STXBP5: variants seen among roughly 807,000 people sequenced by gnomAD.
STXBP5 encodes the protein syntaxin-binding protein 5.
STXBP5 carries 50 observed loss-of-function variants against 152.4 expected under a neutral mutation model. The observed-to-expected ratio is 0.33, with a 90% CI of 0.26 to 0.42. The LOEUF is 0.42. Among genes scored for constraint, STXBP5 ranks in the 10% least tolerant of loss-of-function variants. STXBP5 has a pLI of 1.00. For missense variants in STXBP5, 1,167 were observed against 1,388.6 expected (o/e 0.84, Z 2.54); for synonymous variants, 492 against 494.7 (o/e 0.99, Z 0.07).
chr6:147,258,344 T>C (rs1364293373), intron 4 of STXBP5, among the ~76,000 whole-genome samples: 3 of 152,254 alleles, frequency 2.0e-5, no homozygotes, highest in Non-Finnish European at 4.4e-5. Flanking sequence ...TGGATTACTT[T>C]CTTAAAATTA....
intron 27 of STXBP5, 103 bp from the exon 28 acceptor site, chr6:147,384,611 T>A (rs1265517812): frequency 8.6e-7 from 1 of 1,166,588 alleles, no homozygotes; most frequent in African/African-American, 1.5e-5. Flanking sequence ...CACTACAGAA[T>A]ATTGCAGAAT....
intron 26 of STXBP5, among the ~76,000 whole-genome samples, chr6:147,375,497 C>T (rs896229627): frequency 6.6e-6 from 1 of 151,350 alleles, no homozygotes; most frequent in African/African-American, 2.4e-5. Flanking sequence ...TAAAATGCAG[C>T]ACAAAGAAAC....
intron 2 of STXBP5, among the ~76,000 whole-genome samples, chr6:147,221,455 A>T (rs561474153): frequency 6.6e-6 from 1 of 152,006 alleles, no homozygotes; most frequent in African/African-American, 2.4e-5. Context: ...TTTTTGCAGC[A>T]CAGGTCATTT....
chr6:147,289,736 GA>G lies in STXBP5; in HGVS notation c.839-1347del, dbSNP rs879435079. Among the ~76,000 whole-genome samples, 1,288 of 142,672 alleles carry G rather than the reference GA, an allele frequency of 9.0e-3. 50 individuals carry two copies. The highest frequency in any genetic ancestry group is 0.072 in the Admixed American group (1,043 of 14,438). 93.6% of individuals were successfully genotyped at this position (142,672 alleles called of 152,430 possible). On this transcript the variant is annotated intron_variant, in intron 8 of 27. Transcript: ENST00000321680. ...CTTTTTATTTAACAATCAGCAAAAA[GA>G]AAAAAAAAAACATTGCTAGGGGAGG...
chr6:147,265,482 T>G (rs1331714151), intron 6 of STXBP5, among the ~76,000 whole-genome samples: 1 of 152,124 alleles, frequency 6.6e-6, no homozygotes, highest in Non-Finnish European at 1.5e-5. Flanking sequence ...AAATGCATGG[T>G]ACTAGTTTAA....
chr6:147,273,847 G>A (rs867140084), intron 7 of STXBP5, among the ~76,000 whole-genome samples: 60 of 152,044 alleles, frequency 3.9e-4, no homozygotes, highest in African/African-American at 1.4e-3. Context: ...AGCTACTCGG[G>A]AGGCTGAGGC....
At chr6:147,260,822 A>T in intron 5 of STXBP5, 73 bp downstream of exon 5, 4 of 1,494,240 alleles carry the variant, frequency 2.7e-6, no homozygotes, top group Non-Finnish European at 3.6e-6. Flanking sequence ...ATCATAGCCA[A>T]TCAGTAAATC....
At chr6:147,316,596 C>T (rs1349196236) in intron 16 of STXBP5, among the ~76,000 whole-genome samples, 189 bp downstream of exon 16, 1 of 152,166 alleles carries the variant, frequency 6.6e-6, no homozygotes. Flanking sequence ...GATTGCATTT[C>T]ATGATATTAT....
At chr6:147,299,876 C>T (rs1781718671) in intron 9 of STXBP5, among the ~76,000 whole-genome samples, 2 of 151,894 alleles carry the variant, frequency 1.3e-5, no homozygotes, top group Admixed American at 6.6e-5. Context: ...TCAAATTATC[C>T]CTGTTTGCAA....
intron 8 of STXBP5, among the ~76,000 whole-genome samples, chr6:147,285,705 G>T (rs2128347097): frequency 6.6e-6 from 1 of 152,178 alleles, no homozygotes; most frequent in South Asian, 2.1e-4. Context: ...TGAGCAAGAA[G>T]AAAGTTAAGA....
chr6:147,355,921 G>A (rs1466966226), intron 22 of STXBP5, among the ~76,000 whole-genome samples: 1 of 151,760 alleles, frequency 6.6e-6, no homozygotes, highest in Non-Finnish European at 1.5e-5. Context: ...TAACTTAAAA[G>A]GAGTAAGTGG....
intron 7 of STXBP5, among the ~76,000 whole-genome samples, chr6:147,268,639 G>T (rs17076675): frequency 0.045 from 6,917 of 152,190 alleles, 399 homozygotes; most frequent in East Asian, 0.15. Context: ...GTGTAGTTGT[G>T]ATCTGTAGTT....
At chr6:147,300,942 T>A in intron 9 of STXBP5, among the ~76,000 whole-genome samples, 1 of 150,380 alleles carries the variant, frequency 6.6e-6, no homozygotes, top group African/African-American at 2.4e-5. Context: ...TATAAGGAAC[T>A]CAGTTCAATA....
chr6:147,217,800 G>T (rs7742611), intron 2 of STXBP5, among the ~76,000 whole-genome samples: 2,332 of 152,232 alleles, frequency 0.015, 68 homozygotes, highest in African/African-American at 0.054. Context: ...TAAATTTTCA[G>T]ATACTGTTGG....
intron 2 of STXBP5, among the ~76,000 whole-genome samples, chr6:147,225,460 G>C (rs1201528239): frequency 3.3e-5 from 5 of 152,154 alleles, no homozygotes; most frequent in Non-Finnish European, 7.4e-5. Context: ...TGTCCCTTCT[G>C]TAGAGATTAG....
chr6:147,325,685 T>G (rs1232670206), intron 17 of STXBP5, among the ~76,000 whole-genome samples: 1 of 152,196 alleles, frequency 6.6e-6, no homozygotes, highest in African/African-American at 2.4e-5. Context: ...TGTAAGAAAC[T>G]GCTTCCTAAC....
intron 3 of STXBP5, among the ~76,000 whole-genome samples, chr6:147,235,952 G>A (rs535523604): frequency 4.6e-4 from 70 of 152,270 alleles, no homozygotes; most frequent in African/African-American, 1.6e-3. Flanking sequence ...AAAGCTAGTC[G>A]TAGAAGGAAG....
intron 2 of STXBP5, among the ~76,000 whole-genome samples, chr6:147,229,109 T>TG (rs1365454812): frequency 6.6e-6 from 1 of 152,048 alleles, no homozygotes; most frequent in East Asian, 1.9e-4. Flanking sequence ...GCTAAACCTT[T>TG]GTCTTGTTTT....
chr6:147,276,930 A>G (rs1184695795), intron 7 of STXBP5, among the ~76,000 whole-genome samples: 3 of 152,164 alleles, frequency 2.0e-5, no homozygotes, highest in South Asian at 2.1e-4. Flanking sequence ...CTTTTGTACT[A>G]TCTTAAAGCT....
Sources: gnomAD v4.1 joint callset for allele counts (sites outside exome capture counted in the v4.1 genomes callset) on GRCh38, gnomAD v4.1.1 for gene constraint, MANE v1.5 for transcripts, NCBI Gene and HGNC (gene_info 2026-07-23, HGNC 2026-07-21) for gene names.